SOX5: variants seen among roughly 807,000 people sequenced by gnomAD.
SOX5 encodes SRY-box transcription factor 5.
In SOX5, 9 loss-of-function variants were observed where a neutral mutation model predicts 92.0. That is an observed-to-expected ratio of 0.10 (90% CI 0.06 to 0.17). SOX5 has a LOEUF of 0.17. Ranked by LOEUF, SOX5 falls within the 10% of genes least tolerant of loss-of-function variation. SOX5 has a pLI of 1.00. For synonymous variants in SOX5, 344 were observed against 336.3 expected (o/e 1.02, Z -0.25); for missense variants, 642 against 944.5 (o/e 0.68, Z 4.20).
chr12:24,225,792 G>T (rs2686334), intron 3 of SOX5, among the ~76,000 whole-genome samples: 74,887 of 151,534 alleles, frequency 0.49, 18,927 homozygotes, highest in East Asian at 0.73. Flanking sequence ...CCTCTTCCCA[G>T]AATATATAAG....
intron 4 of SOX5, among the ~76,000 whole-genome samples, chr12:24,141,290 C>T (rs1379563023): frequency 6.6e-6 from 1 of 152,008 alleles, no homozygotes; most frequent in Non-Finnish European, 1.5e-5. Flanking sequence ...CTAAGTGTTG[C>T]AAAGTGTTAT....
In SOX5 at chr12:23,698,619, C is replaced by T. The variant is rs368632855; in HGVS notation, c.811-33055G>A. On this transcript the variant is annotated intron_variant, in intron 6 of 14. Coordinates refer to ENST00000451604, the MANE Select transcript of SOX5 (RefSeq NM_006940.6). ...CAACATCTTTGTCTACTTATTCTAA[C>T]ATCTATGCCACTTTTGATTATTTTT... 8.5e-5 allele frequency among the ~76,000 whole-genome samples: 13 copies of T among 152,282 alleles called. No homozygotes were observed. In the South Asian group the frequency reaches 2.5e-3, roughly 29 times the overall value.
chr12:23,909,887 C>T (rs1297036391), intron 1 of SOX5, among the ~76,000 whole-genome samples: 1 of 151,802 alleles, frequency 6.6e-6, no homozygotes. Context: ...AACTGAAAGA[C>T]CTTTGTGTTC....
intron 11 of SOX5, among the ~76,000 whole-genome samples, chr12:23,549,976 C>G (rs1943884572): frequency 2.0e-5 from 3 of 151,962 alleles, no homozygotes; most frequent in African/African-American, 4.8e-5. Flanking sequence ...ATCTGACATA[C>G]AGAAAACTAT....
At chr12:24,318,149 C>T (rs1949874449) in intron 2 of SOX5, among the ~76,000 whole-genome samples, 1 of 152,086 alleles carries the variant, frequency 6.6e-6, no homozygotes, top group African/African-American at 2.4e-5. Context: ...GCAGAGATTG[C>T]AGTGAACCGA....
intron 3 of SOX5, among the ~76,000 whole-genome samples, chr12:23,844,227 TGA>T (rs2096550463): frequency 6.6e-6 from 1 of 152,194 alleles, no homozygotes; most frequent in South Asian, 2.1e-4. Context: ...TGCCCAGCAA[TGA>T]GAGAGAGTAT....
intron 4 of SOX5, among the ~76,000 whole-genome samples, chr12:24,175,408 T>C (rs920978853): frequency 6.6e-6 from 1 of 152,242 alleles, no homozygotes; most frequent in African/African-American, 2.4e-5. Flanking sequence ...AGCAGTACTC[T>C]ACTCTCAGAA....
At chr12:23,605,972 C>A (rs1355213810) in intron 8 of SOX5, among the ~76,000 whole-genome samples, 37 of 151,830 alleles carry the variant, frequency 2.4e-4, no homozygotes, top group Admixed American at 2.4e-3. Context: ...CTTACCCCAG[C>A]CAACTGGAAA....
intron 4 of SOX5, among the ~76,000 whole-genome samples, chr12:24,041,118 T>C (rs1298207407): frequency 6.6e-6 from 1 of 152,208 alleles, no homozygotes; most frequent in Non-Finnish European, 1.5e-5. Flanking sequence ...GGAAAACTGA[T>C]GTAGCTGCAA....
chr12:24,449,338 G>A (rs1941943549), intron 1 of SOX5, among the ~76,000 whole-genome samples: 1 of 152,102 alleles, frequency 6.6e-6, no homozygotes, highest in South Asian at 2.1e-4. Context: ...TCTTCTCTCT[G>A]TTCCTCCATA....
chr12:23,603,613 T>C (rs1473374780), intron 9 of SOX5, among the ~76,000 whole-genome samples: 2 of 151,612 alleles, frequency 1.3e-5, no homozygotes, highest in African/African-American at 4.8e-5. Context: ...TTAATATATT[T>C]ATACAATATC....
intron 9 of SOX5, among the ~76,000 whole-genome samples, chr12:23,582,943 AT>A (rs1272334902): frequency 3.3e-5 from 5 of 151,892 alleles, no homozygotes; most frequent in African/African-American, 1.2e-4. Context: ...CCCCCTGCTC[AT>A]TTTCCCTTAG....
rs2096896291 is a variant in SOX5, at chr12:23,873,495, C to T, written c.270+22298G>A. ...CTCAAAAGAAAAAGAAAAGAAATAA[C>T]TACAGTGCCATTGCTGACACCAAAA... On this transcript the variant is annotated intron_variant, in intron 2 of 14. Transcript: ENST00000451604. 2.6e-5 allele frequency among the ~76,000 whole-genome samples: 4 copies of T among 152,074 alleles called. No homozygotes were observed. In the South Asian group the frequency reaches 8.3e-4, roughly 32 times the overall value.
At chr12:24,404,887 T>C (rs1391343953) in intron 1 of SOX5, among the ~76,000 whole-genome samples, 1 of 152,190 alleles carries the variant, frequency 6.6e-6, no homozygotes, top group African/African-American at 2.4e-5. Flanking sequence ...GAGGTCATTC[T>C]TGTGGGCCTT....
intron 1 of SOX5, among the ~76,000 whole-genome samples, chr12:24,399,219 G>A (rs1230981134): frequency 1.3e-5 from 2 of 152,028 alleles, no homozygotes; most frequent in Non-Finnish European, 2.9e-5. Flanking sequence ...AAACACGTGA[G>A]CATCTGAGCA....
At chr12:23,669,646 GA>G (rs397768289) in intron 6 of SOX5, among the ~76,000 whole-genome samples, 105 of 41,724 alleles carry the variant, frequency 2.5e-3, no homozygotes, top group Middle Eastern at 0.013. Flanking sequence ...TGGATGAGGA[GA>G]AAAAAAAAAG....
At chr12:24,201,647 G>A (rs960893275) in intron 4 of SOX5, among the ~76,000 whole-genome samples, 7 of 152,190 alleles carry the variant, frequency 4.6e-5, no homozygotes, top group African/African-American at 1.7e-4. Context: ...TAACTCTCAA[G>A]TTGCTATCGA....
intron 3 of SOX5, among the ~76,000 whole-genome samples, chr12:23,787,975 C>T (rs1288483615): frequency 6.6e-6 from 1 of 151,048 alleles, no homozygotes; most frequent in Non-Finnish European, 1.5e-5. Flanking sequence ...GAAATGAAGA[C>T]AATGAGAAAG....
chr12:24,194,449 G>T (rs1956825464), intron 4 of SOX5, among the ~76,000 whole-genome samples: 1 of 151,468 alleles, frequency 6.6e-6, no homozygotes, highest in Admixed American at 6.6e-5. Context: ...AGGTAGGTAG[G>T]TAGGTAGAGA....
Sources: gnomAD v4.1 joint callset for allele counts (sites outside exome capture counted in the v4.1 genomes callset) on GRCh38, gnomAD v4.1.1 for gene constraint, MANE v1.5 for transcripts, NCBI Gene and HGNC (gene_info 2026-07-23, HGNC 2026-07-21) for gene names.